Variants in PSMB2 observed in about 807,000 individuals in gnomAD.
PSMB2 encodes proteasome subunit beta type-2.
In PSMB2, 13 loss-of-function variants were observed where a neutral mutation model predicts 25.7. The observed-to-expected ratio is 0.51, with a 90% CI of 0.33 to 0.80. The LOEUF (loss-of-function observed/expected upper bound fraction) is 0.80. Ranked by LOEUF, PSMB2 falls within the 30% of genes least tolerant of loss-of-function variation. The probability of loss-of-function intolerance (pLI) is 0.02; values close to 1 mark genes in which losing one functional copy is unlikely to be tolerated. For synonymous variants in PSMB2, 87 were observed against 96.2 expected (o/e 0.90, Z 0.56); for missense variants, 202 against 259.0 (o/e 0.78, Z 1.51).
chr1:35,615,884 T>C (rs754104531), intron 3 of PSMB2, among the ~76,000 whole-genome samples: 27 of 152,094 alleles, frequency 1.8e-4, no homozygotes, highest in Admixed American at 3.3e-4. Context: ...GACAAATGAG[T>C]TTGTCTAGAG....
intron 1 of PSMB2, among the ~76,000 whole-genome samples, chr1:35,637,056 A>G (rs1651262573): frequency 6.6e-6 from 1 of 152,232 alleles, no homozygotes; most frequent in Non-Finnish European, 1.5e-5. Context: ...TTTGAAATGC[A>G]AGGAACAGAA....
At chr1:35,634,828 T>C (rs1322919157) in intron 2 of PSMB2, among the ~76,000 whole-genome samples, 1 of 151,780 alleles carries the variant, frequency 6.6e-6, no homozygotes, top group Non-Finnish European at 1.5e-5. Context: ...AGAGTCTTGC[T>C]GCCTTCCAGA....
rs1018693650 is a variant in PSMB2, at chr1:35,618,472, C to T, written c.286-9064G>A. On this transcript the variant is annotated intron_variant, in intron 3 of 5. Coordinates refer to ENST00000373237, the MANE Select transcript of PSMB2 (RefSeq NM_002794.5). ...AAGAAAGTAAAGAAAATGATTACAACGGGACACTATGGCAAAGGTATACCT... is the reference window on the plus strand; with the variant it reads ...AAGAAAGTAAAGAAAATGATTACAATGGGACACTATGGCAAAGGTATACCT... Among the ~76,000 whole-genome samples, 21 of 150,464 alleles carry T rather than the reference C, an allele frequency of 1.4e-4. No homozygotes were observed. In the East Asian group the frequency reaches 2.0e-3, roughly 14 times the overall value.
intron 4 of PSMB2, among the ~76,000 whole-genome samples, chr1:35,607,322 G>A (rs375221841): frequency 5.3e-5 from 8 of 151,938 alleles, no homozygotes; most frequent in East Asian, 1.9e-4. Context: ...ATAAGGAACC[G>A]AAATATCTCA....
Position 35,600,108 on chromosome 1 carries a change from ACTC to A in PSMB2, c.*3156_*3158del. 1 of 893,318 alleles carries A rather than the reference ACTC, an allele frequency of 1.1e-6. No homozygotes were observed. The highest frequency in any genetic ancestry group is 1.3e-6 in the Non-Finnish European group (1 of 746,216). The allele number at this position is 893,318 out of a possible 1,614,324, so 55.3% of individuals were successfully genotyped here. ...CAGTAAGCTACGATCGTGCCACTGT[ACTC>A]CAGCCTAGGTGATGGAGCAAGACCC... On this transcript the variant is annotated 3_prime_UTR_variant, in exon 6 of 6. Transcript: ENST00000373237.
chr1:35,624,929 T>C (rs793967), intron 3 of PSMB2, among the ~76,000 whole-genome samples: 151,623 of 152,150 alleles, frequency 1, 75,551 homozygotes, highest in Middle Eastern at 1. Flanking sequence ...GGCATGGTGG[T>C]GCACGCCTGT....
chr1:35,612,932 A>G (rs1228846848), intron 3 of PSMB2, among the ~76,000 whole-genome samples: 1 of 152,246 alleles, frequency 6.6e-6, no homozygotes, highest in Non-Finnish European at 1.5e-5. Flanking sequence ...ATCCACTACC[A>G]GAAAATTTTA....
At chr1:35,611,132 G>A (rs184270068) in intron 3 of PSMB2, among the ~76,000 whole-genome samples, 63 of 152,234 alleles carry the variant, frequency 4.1e-4, no homozygotes, top group Admixed American at 1.4e-3. Context: ...TTGCTTCAGC[G>A]GGTAGTAAGC....
At chr1:35,635,713 C>T (rs562919146) in intron 2 of PSMB2, among the ~76,000 whole-genome samples, 106 of 151,114 alleles carry the variant, frequency 7.0e-4, no homozygotes, top group Non-Finnish European at 1.3e-3. Flanking sequence ...CCTGTAGTCC[C>T]AGCTACTCAG....
chr1:35,620,188 GAA>G (rs1048613830), intron 3 of PSMB2, among the ~76,000 whole-genome samples: 8 of 152,170 alleles, frequency 5.3e-5, no homozygotes, highest in Non-Finnish European at 1.2e-4. Flanking sequence ...TGGTCTTCTA[GAA>G]AAGAGTAGTT....
intron 3 of PSMB2, among the ~76,000 whole-genome samples, chr1:35,626,858 G>A (rs1228062587): frequency 1.3e-5 from 2 of 152,064 alleles, no homozygotes; most frequent in Non-Finnish European, 2.9e-5. Flanking sequence ...AATAGTTGTG[G>A]CTATTGGGTA....
intron 5 of PSMB2, among the ~76,000 whole-genome samples, chr1:35,604,064 C>T (rs979050934): frequency 2.0e-5 from 3 of 150,768 alleles, no homozygotes; most frequent in Admixed American, 6.6e-5. Flanking sequence ...GGGGTGGGCA[C>T]TGTGGACTGA....
rs1220866184 is a variant in PSMB2, at chr1:35,608,093, G to A, written c.448+1153C>T. On this transcript the variant is annotated intron_variant, in intron 4 of 5. Coordinates refer to ENST00000373237, the MANE Select transcript of PSMB2 (RefSeq NM_002794.5). Reference sequence around the variant, plus strand: ...AAAAGATACGAAATTGGCAGGACACGGTGGCTCACGCCTGTAATCCCAACA... The same window carrying A: ...AAAAGATACGAAATTGGCAGGACACAGTGGCTCACGCCTGTAATCCCAACA... Among the ~76,000 whole-genome samples the A allele has an allele frequency of 4.6e-5, 7 of 152,184 alleles. No individual in the cohort carries two copies. In the East Asian group the frequency reaches 1.3e-3, roughly 29 times the overall value.
intron 3 of PSMB2, among the ~76,000 whole-genome samples, chr1:35,625,597 C>A (rs1034535400): frequency 6.6e-6 from 1 of 151,636 alleles, no homozygotes; most frequent in Non-Finnish European, 1.5e-5. Context: ...CCCGTCTCTA[C>A]TAAAAATACA....
At chr1:35,610,381 C>T (rs1650294447) in intron 3 of PSMB2, among the ~76,000 whole-genome samples, 1 of 151,756 alleles carries the variant, frequency 6.6e-6, no homozygotes, top group African/African-American at 2.4e-5. Flanking sequence ...TCAGGGCTAC[C>T]ATGAGCCATG....
intron 3 of PSMB2, among the ~76,000 whole-genome samples, chr1:35,628,631 A>ATT (rs138110586): frequency 2.6e-5 from 1 of 38,080 alleles, no homozygotes; most frequent in African/African-American, 1.3e-4. Flanking sequence ...ATATATATAT[A>ATT]TTTTTTTTTT....
chr1:35,631,156 C>CA, intron 3 of PSMB2, 118 bp downstream of exon 3: 1 of 874,444 alleles, frequency 1.1e-6, no homozygotes, highest in East Asian at 2.5e-5. Flanking sequence ...CAAGTAGCAA[C>CA]AGGAGGGGTT....
chr1:35,639,185 TG>T lies in PSMB2; in HGVS notation c.91+2156del, dbSNP rs567176312. 4.6e-5 allele frequency among the ~76,000 whole-genome samples: 7 copies of T among 151,942 alleles called. No individual in the cohort carries two copies. In the East Asian group the frequency reaches 1.4e-3, roughly 29 times the overall value. On this transcript the variant is annotated intron_variant, in intron 1 of 5. Coordinates refer to ENST00000373237, the MANE Select transcript of PSMB2 (RefSeq NM_002794.5). ...AGGAGAATCGCTTGAACCCAGGAGG[TG>T]GAGGTTGCAGTGAGCCGAGATCGCG...
At chr1:35,627,680 T>TAGGAC (rs1650906253) in intron 3 of PSMB2, among the ~76,000 whole-genome samples, 1 of 152,174 alleles carries the variant, frequency 6.6e-6, no homozygotes, top group African/African-American at 2.4e-5. Context: ...CATTATTACC[T>TAGGAC]TATTTAATCT....
Sources: allele counts gnomAD v4.1 joint callset (sites outside exome capture counted in the v4.1 genomes callset), GRCh38; gene constraint gnomAD v4.1.1; transcripts MANE v1.5; gene names NCBI Gene and HGNC (gene_info 2026-07-23, HGNC 2026-07-21).